The following SPTLC1 variants were observed in gnomAD, a reference collection of about 807,000 sequenced individuals.
SPTLC1 encodes serine palmitoyltransferase long chain base subunit 1.
A neutral mutation model predicts 68.9 loss-of-function variants in SPTLC1; 55 were observed. The observed-to-expected ratio is 0.80, with a 90% CI of 0.64 to 1.00. The LOEUF is 1.00. SPTLC1 is among the 50% of genes least tolerant of loss of function. The pLI is 0.00. For missense variants in SPTLC1, 449 were observed against 573.1 expected (o/e 0.78, Z 2.21); for synonymous variants, 197 against 201.6 (o/e 0.98, Z 0.19).
intron 3 of SPTLC1, among the ~76,000 whole-genome samples, chr9:92,097,580 TAAG>T (rs943253029): frequency 2.6e-5 from 4 of 152,214 alleles, no homozygotes; most frequent in Non-Finnish European, 4.4e-5. Flanking sequence ...AAACAAAGGC[TAAG>T]TATTGTTTAT....
At chr9:92,052,456 C>T (rs993859430) in intron 8 of SPTLC1, among the ~76,000 whole-genome samples, 2 of 151,938 alleles carry the variant, frequency 1.3e-5, no homozygotes, top group Admixed American at 6.6e-5. Flanking sequence ...AAATGTAAGA[C>T]TGAAAACTAT....
At chr9:92,081,066 C>G (rs1246707109) in intron 3 of SPTLC1, 103 bp from the exon 4 acceptor site, 326 of 811,578 alleles carry the variant, frequency 4.0e-4, no homozygotes, top group Non-Finnish European at 1.4e-4. Flanking sequence ...TCATCCTACC[C>G]TATTTGCATA....
intron 3 of SPTLC1, among the ~76,000 whole-genome samples, chr9:92,084,779 T>C (rs1030156955): frequency 2.4e-4 from 36 of 151,838 alleles, no homozygotes; most frequent in Non-Finnish European, 4.7e-4. Flanking sequence ...GAGGATTCTC[T>C]CTTTTTCTAT....
intron 3 of SPTLC1, among the ~76,000 whole-genome samples, chr9:92,083,867 C>A (rs901541517): frequency 6.6e-6 from 1 of 152,126 alleles, no homozygotes; most frequent in African/African-American, 2.4e-5. Flanking sequence ...TTCTTCCTAC[C>A]CATGAGCATG....
intron 3 of SPTLC1, among the ~76,000 whole-genome samples, chr9:92,090,594 AGAGT>A (rs1263191444): frequency 1.3e-5 from 2 of 150,344 alleles, no homozygotes; most frequent in African/African-American, 5.0e-5. Flanking sequence ...CCTGGGCAAC[AGAGT>A]GAGACCCTGT....
intron 6 of SPTLC1, among the ~76,000 whole-genome samples, chr9:92,060,426 C>G (rs1587930850): frequency 6.6e-6 from 1 of 152,024 alleles, no homozygotes; most frequent in Non-Finnish European, 1.5e-5. Flanking sequence ...AATGAGCCAC[C>G]ATGAAGACAC....
chr9:92,032,275 T>G lies in SPTLC1; in HGVS notation c.*190A>C, dbSNP rs552433019. 35 of 1,532,076 alleles carry G rather than the reference T, an allele frequency of 2.3e-5. No homozygotes were observed. In the East Asian group the frequency reaches 7.8e-4, roughly 34 times the overall value. 94.9% of individuals were successfully genotyped at this position (1,532,076 alleles called of 1,614,324 possible). Reference sequence around the variant, plus strand: ...AAATCAGTTCCTGGGCTTTTAGATGTGTTTTCTTTTTAAAAAAAATAAGCA... The same window carrying G: ...AAATCAGTTCCTGGGCTTTTAGATGGGTTTTCTTTTTAAAAAAAATAAGCA... On this transcript the variant is annotated 3_prime_UTR_variant, in exon 15 of 15. Transcript: ENST00000262554.
chr9:92,077,981 C>T (rs191322666), intron 5 of SPTLC1, among the ~76,000 whole-genome samples: 1 of 152,254 alleles, frequency 6.6e-6, no homozygotes, highest in Non-Finnish European at 1.5e-5. Context: ...CATCTCCAAT[C>T]CTTCCTTAGC....
intron 3 of SPTLC1, among the ~76,000 whole-genome samples, chr9:92,084,451 A>AG (rs1835029552): frequency 1.3e-5 from 2 of 152,196 alleles, no homozygotes; most frequent in African/African-American, 2.4e-5. Flanking sequence ...TTCAGCATGA[A>AG]GGTTGTTGAA....
intron 3 of SPTLC1, among the ~76,000 whole-genome samples, chr9:92,084,517 G>C (rs1476509404): frequency 6.6e-6 from 1 of 152,084 alleles, no homozygotes; most frequent in African/African-American, 2.4e-5. Context: ...TTTTGTCTTT[G>C]GTTCTGTTTA....
At chr9:92,086,191 T>C (rs942759042) in intron 3 of SPTLC1, among the ~76,000 whole-genome samples, 3 of 152,104 alleles carry the variant, frequency 2.0e-5, no homozygotes, top group Admixed American at 2.0e-4. Context: ...CTTGACTCTT[T>C]ATCCAATTTG....
At chr9:92,100,334 G>A (rs1835701938) in intron 3 of SPTLC1, among the ~76,000 whole-genome samples, 1 of 152,154 alleles carries the variant, frequency 6.6e-6, no homozygotes, top group Non-Finnish European at 1.5e-5. Flanking sequence ...CATCTAGAAA[G>A]CCAAGCCATA....
chr9:92,043,215 G>A (rs1833409837), intron 12 of SPTLC1, among the ~76,000 whole-genome samples: 1 of 152,130 alleles, frequency 6.6e-6, no homozygotes, highest in Non-Finnish European at 1.5e-5. Context: ...CATGTCACAG[G>A]CTGACCTCCT....
At position 92,049,978 on chromosome 9, in the gene SPTLC1, A is replaced by T; in HGVS notation, c.870T>A (p.Thr290=). 1 of 1,611,582 alleles carries T rather than the reference A, an allele frequency of 6.2e-7. No individual in the cohort carries two copies. Among genetic ancestry groups the T allele is most frequent in the Non-Finnish European group, 8.5e-7 (1 of 1,177,674 alleles). The change falls in exon 9 of 15, where the codon ACT becomes ACA. Residue 290 remains threonine (T), a synonymous_variant. Transcript: ENST00000262554. ...GVLGEHGRGV[T]EHYGINIDDI... is the part of the protein sequence containing the mutation. The stretch of plus-strand genomic sequence containing the variant: ...AACTTACATTGATTCCATAGTGTTC[A>T]GTGACTCCTCGGCCATGCTCTCCTA...
chr9:92,079,506 T>TCAACAGGA, intron 5 of SPTLC1: 1 of 1,613,544 alleles, frequency 6.2e-7, no homozygotes, highest in South Asian at 1.1e-5. Flanking sequence ...CATCAAATAT[T>TCAACAGGA]TAGTTGGCCT....
intron 13 of SPTLC1, 92 bp from the exon 14 acceptor site, chr9:92,034,975 T>G: frequency 1.6e-5 from 16 of 1,010,034 alleles, no homozygotes; most frequent in Non-Finnish European, 2.5e-5. Context: ...AACGGTAGCT[T>G]TAATTCACTT....
chr9:92,047,778 G>C, intron 9 of SPTLC1, 70 bp from the exon 10 acceptor site: 1 of 1,036,352 alleles, frequency 9.6e-7, no homozygotes, highest in East Asian at 2.5e-5. Context: ...CAAGCCTAGA[G>C]ACAAAATTTA....
chr9:92,084,682 G>A (rs1002455456), intron 3 of SPTLC1, among the ~76,000 whole-genome samples: 10 of 152,050 alleles, frequency 6.6e-5, no homozygotes, highest in African/African-American at 2.2e-4. Flanking sequence ...TGTTCATCAA[G>A]GATATTGGTC....
chr9:92,046,178 C>T, intron 11 of SPTLC1, 125 bp from the exon 12 acceptor site: 1 of 869,524 alleles, frequency 1.2e-6, no homozygotes, highest in Non-Finnish European at 1.8e-6. Context: ...TACATACTAA[C>T]AGAGCCAAGA....
Sources: allele counts gnomAD v4.1 joint callset (sites outside exome capture counted in the v4.1 genomes callset), GRCh38; gene constraint gnomAD v4.1.1; transcripts MANE v1.5; gene names NCBI Gene and HGNC (gene_info 2026-07-23, HGNC 2026-07-21).